The following FLII variants were observed in gnomAD, a reference collection of about 807,000 sequenced individuals.
The protein encoded by FLII is FLII actin remodeling protein.
Under a neutral mutation model 156.2 loss-of-function variants are expected in FLII, and 101 were observed. The ratio of observed to expected loss-of-function variants is 0.65; its 90% confidence interval spans 0.55 to 0.76. The LOEUF (loss-of-function observed/expected upper bound fraction) is 0.76. Among genes scored for constraint, FLII ranks in the 30% least tolerant of loss-of-function variants. The pLI is 0.00. For missense variants in FLII, 1,675 were observed against 1,682.8 expected (o/e 1.00, Z 0.08); for synonymous variants, 767 against 685.8 (o/e 1.12, Z -1.85).
Position 18,247,854 on chromosome 17 carries a change from G to T in FLII, c.2296-6C>A, listed in dbSNP as rs2142809796. On this transcript the variant is annotated splice_region_variant and splice_polypyrimidine_tract_variant and intron_variant, in intron 19 of 29. Transcript: ENST00000327031. ...GTGTCCAGCAGACTCTGCAGCTGCGGACCGGGAGTCTGGAGGTCAAAGCCC... is the reference window on the plus strand; with the variant it reads ...GTGTCCAGCAGACTCTGCAGCTGCGTACCGGGAGTCTGGAGGTCAAAGCCC... 6.2e-7 allele frequency: 1 copy of T among 1,614,018 alleles called. No homozygotes were observed. Among genetic ancestry groups the T allele is most frequent in the South Asian group, 1.1e-5 (1 of 91,082 alleles).
intron 15 of FLII, 61 bp from the exon 16 acceptor site, chr17:18,249,262 C>G: frequency 6.2e-7 from 1 of 1,610,452 alleles, no homozygotes; most frequent in Non-Finnish European, 8.5e-7. Context: ...GCCCCAACAC[C>G]CTCCCCTCCA....
rs1044911047 is a variant in FLII, at chr17:18,251,242, C to T, written c.1596+23G>A. On this transcript the variant is annotated intron_variant, in intron 13 of 29. Transcript: ENST00000327031. ...AGGAAGGTACTGGGCCACATGGCCC[C>T]TAACAGCATGCCCAGCCCTCACCTT... 5 of 1,610,064 alleles carry T rather than the reference C, an allele frequency of 3.1e-6. 1 individual carries two copies. The highest frequency in any genetic ancestry group is 1.7e-5 in the Admixed American group (1 of 59,902).
chr17:18,246,327 C>T lies in FLII; in HGVS notation c.3187G>A (p.Gly1063Ser). 3.1e-6 allele frequency: 5 copies of T among 1,613,862 alleles called. No individual in the cohort carries two copies. Among genetic ancestry groups the T allele is most frequent in the Non-Finnish European group, 4.2e-6 (5 of 1,180,010 alleles). Reference sequence around the variant, plus strand: ...AGGCACCGGGTGCAGAGGGCGCTGCCGTTGGTGCGGATCTGGTAGAGGCTG... The same window carrying T: ...AGGCACCGGGTGCAGAGGGCGCTGCTGTTGGTGCGGATCTGGTAGAGGCTG... ...QPSLYQIRTN[G>S]SALCTRCIQI... is the part of the protein sequence containing the mutation. Residue 1063 changes from glycine to serine, a missense_variant, in exon 24 of 30, where the codon GGC becomes AGC. Transcript: ENST00000327031.
At chr17:18,253,204 T>C (rs964603525) in intron 9 of FLII, 97 bp downstream of exon 9, 4 of 1,251,836 alleles carry the variant, frequency 3.2e-6, no homozygotes, top group Non-Finnish European at 4.5e-6. Context: ...CATCTTCATT[T>C]TGTCTGACTT....
Position 18,252,017 on chromosome 17 carries a change from C to T in FLII, c.1228G>A (p.Val410Met), listed in dbSNP as rs150007956. 215 of 1,612,996 alleles carry T rather than the reference C, an allele frequency of 1.3e-4. 2 individuals are homozygous for T. In the East Asian group the frequency reaches 3.1e-3, roughly 24 times the overall value. ...LRLAGASPATVAAAAAAGSGP... is the reference protein window; with the variant it reads ...LRLAGASPATMAAAAAAGSGP... ...CACTCACCAGCTGCAGCTGCAGCCA[C>T]GGTAGCAGGAGAGGCACCCGCTAGC... Residue 410 changes from valine to methionine, a missense_variant, in exon 11 of 30, where the codon GTG becomes ATG. This residue lies in a region of FLII where 1,332 missense variants were observed against 1,269.3 expected (regional missense o/e 1.05). Coordinates refer to ENST00000327031, the MANE Select transcript of FLII (RefSeq NM_002018.4).
Position 18,247,240 on chromosome 17 carries a change from TCTC to T in FLII, c.2602_2604del (p.Glu868del), listed in dbSNP as rs750005830. 3.1e-6 allele frequency: 5 copies of T among 1,604,516 alleles called. No homozygotes were observed. Among genetic ancestry groups the T allele is most frequent in the Admixed American group, 3.4e-5 (2 of 59,690 alleles). ...AGGTCAGCCTTCATCTGGTCTTTCT[TCTC>T]GGCGTCGCGTTTCACCTTCCCGGAG... On this transcript the variant is annotated inframe_deletion, in exon 21 of 30. Transcript: ENST00000327031.
intron 10 of FLII, 149 bp from the exon 11 acceptor site, chr17:18,252,295 G>A: frequency 1.1e-6 from 1 of 913,728 alleles, no homozygotes; most frequent in South Asian, 1.5e-5. Context: ...GGCTGGCTGG[G>A]GGCTTAAATG....
chr17:18,254,585 G>A lies in FLII; in HGVS notation c.511C>T (p.Arg171Cys), dbSNP rs1338294717. 1 of 1,613,800 alleles carries A rather than the reference G, an allele frequency of 6.2e-7. No individual in the cohort carries two copies. The highest frequency in any genetic ancestry group is 1.1e-5 in the South Asian group (1 of 91,074). Residue 171 changes from arginine to cysteine, a missense_variant, in exon 6 of 30, where the codon CGC (arginine) becomes TGC (cysteine). Physicochemically the swap from Arg to Cys is radical, Grantham distance 180. Around this residue, in one of 2 missense-constraint regions of FLII, gnomAD observed 343 missense variants for 413.5 expected, o/e 0.83. Transcript: ENST00000327031. ...AGCGTCTGCAGGTGCACCAGGCGGC[G>A]CATCTGCGGGGGCAGGCTCTCCAGG... ...NRLESLPPQMRRLVHLQTLVL... is the reference protein window; with the variant it reads ...NRLESLPPQMCRLVHLQTLVL...
Position 18,247,851 on chromosome 17 carries a change from G to A in FLII, c.2296-3C>T. On this transcript the variant is annotated splice_region_variant and splice_polypyrimidine_tract_variant and intron_variant, in intron 19 of 29. Coordinates refer to ENST00000327031, the MANE Select transcript of FLII (RefSeq NM_002018.4). ...CGCGTGTCCAGCAGACTCTGCAGCT[G>A]CGGACCGGGAGTCTGGAGGTCAAAG... 2 of 1,613,968 alleles carry A rather than the reference G, an allele frequency of 1.2e-6. No homozygotes were observed. The highest frequency in any genetic ancestry group is 8.5e-7 in the Non-Finnish European group (1 of 1,180,002).
chr17:18,250,065 G>A (rs1221518883), intron 14 of FLII, among the ~76,000 whole-genome samples: 1 of 152,184 alleles, frequency 6.6e-6, no homozygotes, highest in Non-Finnish European at 1.5e-5. Flanking sequence ...AGGTTGCAGT[G>A]AGCCAAGATT....
chr17:18,249,981 C>T (rs939697055), intron 14 of FLII, among the ~76,000 whole-genome samples: 8 of 151,650 alleles, frequency 5.3e-5, no homozygotes, highest in Non-Finnish European at 2.9e-5. Flanking sequence ...ATTAGCTAGG[C>T]GTGGTAGCAC....
In FLII at chr17:18,253,155, C is replaced by T. The variant is rs559814618; in HGVS notation, c.1013+146G>A. On this transcript the variant is annotated intron_variant, in intron 9 of 29. Transcript: ENST00000327031. The stretch of plus-strand genomic sequence containing the variant: ...ACAGAGCGAGACTCTGTCTCAAAAA[C>T]AAAAAAGAAAAGAAAAGAAAAGAAA... The T allele has an allele frequency of 2.3e-5, 20 of 888,116 alleles. No individual in the cohort carries two copies. The African/African-American group carries it at 3.0e-4, about 14-fold the overall frequency. 55.0% of individuals were successfully genotyped at this position (888,116 alleles called of 1,614,324 possible).
intron 13 of FLII, 67 bp downstream of exon 13, chr17:18,251,198 G>A (rs888266818): frequency 9.7e-6 from 15 of 1,543,904 alleles, no homozygotes; most frequent in Non-Finnish European, 8.9e-6. Context: ...CTCTGGAGTT[G>A]GGGACTGAGC....
Position 18,256,916 on chromosome 17 carries a change from T to C in FLII, c.167A>G (p.Gln56Arg). ...CCGCCCAAACCCCCTTACCAGCTTC[T>C]GCAGGGCGGCCAGCTCCTCGGGCAG... ...CYLPEELAALQKLEHLSVSHN... is the reference protein window; with the variant it reads ...CYLPEELAALRKLEHLSVSHN... Residue 56 changes from glutamine (Q) to arginine (R), a missense_variant, in exon 2 of 30, where the codon CAG (glutamine) becomes CGG (arginine). Coordinates refer to ENST00000327031, the MANE Select transcript of FLII (RefSeq NM_002018.4). 1 of 1,606,302 alleles carries C rather than the reference T, an allele frequency of 6.2e-7. No individual in the cohort carries two copies. Among genetic ancestry groups the C allele is most frequent in the Non-Finnish European group, 8.5e-7 (1 of 1,176,142 alleles).
In FLII at chr17:18,245,770, C is replaced by T; in HGVS notation, c.3477G>A (p.Glu1159=). 2.5e-6 allele frequency: 4 copies of T among 1,614,022 alleles called. No individual in the cohort carries two copies. Among genetic ancestry groups the T allele is most frequent in the Non-Finnish European group, 3.4e-6 (4 of 1,179,976 alleles). The change falls in exon 27 of 30, where the codon GAG becomes GAA. Residue 1159 remains glutamate (E), a synonymous_variant. Coordinates refer to ENST00000327031, the MANE Select transcript of FLII (RefSeq NM_002018.4). ...GAQKPYDDDA[E]YMKHTRLFRC... ...GGAAGAGACGTGTGTGTTTCATGTA[C>T]TCGGCATCGTCATCATAGGGCTTCT...
chr17:18,249,364 A>G lies in FLII; in HGVS notation c.1821T>C (p.Ser607=). 6.2e-7 allele frequency: 1 copy of G among 1,614,046 alleles called. No individual in the cohort carries two copies. The highest frequency in any genetic ancestry group is 1.1e-5 in the South Asian group (1 of 91,080). Residue 607 remains serine (S), a synonymous_variant, in exon 15 of 30, where the codon AGT becomes AGC. Coordinates refer to ENST00000327031, the MANE Select transcript of FLII (RefSeq NM_002018.4). ...DISYIEGGTA[S]GFYTVEDTHY... is the part of the protein sequence containing the mutation. Reference sequence around the variant, plus strand: ...GTGTGTCTTCCACAGTGTAGAAGCCACTGGCTGTTCCACCCTCAATGTAGG... The same window carrying G: ...GTGTGTCTTCCACAGTGTAGAAGCCGCTGGCTGTTCCACCCTCAATGTAGG...
chr17:18,253,542 A>G lies in FLII; in HGVS notation c.855+2T>C, dbSNP rs1407582538. 4 of 1,612,792 alleles carry G rather than the reference A, an allele frequency of 2.5e-6. No individual in the cohort carries two copies. Among genetic ancestry groups the G allele is most frequent in the Non-Finnish European group, 2.5e-6 (3 of 1,179,126 alleles). On this transcript the variant is annotated splice_donor_variant, in intron 8 of 29. Transcript: ENST00000327031. LOFTEE classifies it high-confidence loss of function. The stretch of plus-strand genomic sequence containing the variant: ...TCCCCCTACTGAGGGCCTCAGACGC[A>G]CGGGCAGTGAGGTGAGCTGATTTCG...
rs1036368997 is a variant in FLII at position 18,244,948 on chromosome 17, A to AGTT, written c.*187_*189dup. ...ACACGTGCACTCACACTGTGGAGAGAGTTGGATTTCCCAGACCCCTGAGGG... is the reference window on the plus strand; with the variant it reads ...ACACGTGCACTCACACTGTGGAGAGAGTTGTTGGATTTCCCAGACCCCTGAGGG... On this transcript the variant is annotated 3_prime_UTR_variant, in exon 30 of 30. Coordinates refer to ENST00000327031, the MANE Select transcript of FLII (RefSeq NM_002018.4). 24 of 649,396 alleles carry AGTT rather than the reference A, an allele frequency of 3.7e-5. No homozygotes were observed. The highest frequency in any genetic ancestry group is 4.3e-4 in the Middle Eastern group (1 of 2,310). 40.2% of individuals were successfully genotyped at this position (649,396 alleles called of 1,614,324 possible). A position where few individuals can be genotyped will look rare whatever the true frequency, so the allele number is the denominator to read the frequency against.
At position 18,258,575 on chromosome 17, in the gene FLII, G is replaced by C. The variant is rs1403449841; in HGVS notation, c.63+53C>G. 2.6e-6 allele frequency: 4 copies of C among 1,528,020 alleles called. No homozygotes were observed. The Admixed American group carries it at 7.8e-5, about 30-fold the overall frequency. The allele number at this position is 1,528,020 out of a possible 1,614,324, so 94.7% of individuals were successfully genotyped here. A position where few individuals can be genotyped will look rare whatever the true frequency, so the allele number is the denominator to read the frequency against. Reference sequence around the variant, plus strand: ...ACAGGAAGCGGAGGCCAAGCGGGCCGGGCGGAAGAGAAGGCCTGCAGGGAG... The same window carrying C: ...ACAGGAAGCGGAGGCCAAGCGGGCCCGGCGGAAGAGAAGGCCTGCAGGGAG... On this transcript the variant is annotated intron_variant, in intron 1 of 29. Transcript: ENST00000327031. The surrounding 1 kb of genome is among the most constrained non-coding windows in gnomAD (Gnocchi z 4.2).
Sources: allele counts gnomAD v4.1 joint callset (sites outside exome capture counted in the v4.1 genomes callset), GRCh38; gene constraint gnomAD v4.1.1; regional missense constraint gnomAD v4.1.1; non-coding constraint Gnocchi (gnomAD v3.1); transcripts MANE v1.5; gene names NCBI Gene and HGNC (gene_info 2026-07-23, HGNC 2026-07-21).